CFAP44: variants seen among roughly 807,000 people sequenced by gnomAD.
The protein encoded by CFAP44 is cilia- and flagella-associated protein 44.
CFAP44 carries 134 observed loss-of-function variants against 216.2 expected under a neutral mutation model. The observed-to-expected ratio is 0.62, with a 90% CI of 0.54 to 0.72. The LOEUF (loss-of-function observed/expected upper bound fraction) is 0.72, where lower values mean the gene tolerates loss of function less well. Ranked by LOEUF, CFAP44 falls within the 30% of genes least tolerant of loss-of-function variation. CFAP44 has a pLI of 0.00. For synonymous variants in CFAP44, 700 were observed against 727.6 expected, an observed-to-expected ratio of 0.96 and a Z score of 0.61; for missense variants, 2,035 against 2,182.1, an observed-to-expected ratio of 0.93 and a Z score of 1.34.
intron 18 of CFAP44, among the ~76,000 whole-genome samples, chr3:113,369,916 G>A (rs1933093537): frequency 6.6e-6 from 1 of 152,186 alleles, no homozygotes; most frequent in East Asian, 1.9e-4. Flanking sequence ...TGATCCCACA[G>A]AAATACAAAC....
At chr3:113,393,880 C>G (rs1340332134) in intron 15 of CFAP44, among the ~76,000 whole-genome samples, 1 of 152,100 alleles carries the variant, frequency 6.6e-6, no homozygotes, top group African/African-American at 2.4e-5. Context: ...TCCTTTTCAC[C>G]TTCTGACATG....
chr3:113,366,425 AC>A, intron 18 of CFAP44, 116 bp from the exon 19 acceptor site: 1 of 1,258,366 alleles, frequency 7.9e-7, no homozygotes, highest in Non-Finnish European at 1.1e-6. Context: ...TGAATTGTAC[AC>A]CCCTAAAATT....
At chr3:113,400,455 A>G in intron 12 of CFAP44, 90 bp downstream of exon 12, 1 of 1,172,202 alleles carries the variant, frequency 8.5e-7, no homozygotes, top group South Asian at 2.1e-5. Flanking sequence ...GAAAATCCCC[A>G]AATGCTCTTA....
intron 13 of CFAP44, 93 bp downstream of exon 13, chr3:113,399,813 T>C: frequency 1.3e-6 from 1 of 794,580 alleles, no homozygotes; most frequent in South Asian, 3.5e-5. Flanking sequence ...CCTTAAAATT[T>C]TGAGTCAGCA....
intron 34 of CFAP44, 181 bp downstream of exon 34, chr3:113,294,506 C>T (rs1441817273): frequency 1.2e-5 from 8 of 692,468 alleles, no homozygotes; most frequent in Non-Finnish European, 1.8e-5. Flanking sequence ...AAAGCTAGTC[C>T]CTCAGGCCCA....
chr3:113,301,536 A>C (rs546312920), intron 32 of CFAP44, among the ~76,000 whole-genome samples: 1 of 152,302 alleles, frequency 6.6e-6, no homozygotes, highest in Admixed American at 6.5e-5. Flanking sequence ...AAAGATAATT[A>C]TCTTTATACC....
At chr3:113,408,949 A>C (rs553483076) in intron 7 of CFAP44, among the ~76,000 whole-genome samples, 157 bp downstream of exon 7, 5 of 149,392 alleles carry the variant, frequency 3.3e-5, no homozygotes, top group Non-Finnish European at 7.4e-5. Flanking sequence ...AAGGTGCATT[A>C]CTAGTTAGCT....
intron 24 of CFAP44, among the ~76,000 whole-genome samples, chr3:113,340,494 A>C (rs1950321740): frequency 6.6e-6 from 1 of 152,104 alleles, no homozygotes; most frequent in Non-Finnish European, 1.5e-5. Flanking sequence ...TTTGGCATTC[A>C]CTCACACTCA....
chr3:113,304,899 AG>A (rs1949970515), intron 31 of CFAP44, 136 bp downstream of exon 31: 1 of 665,760 alleles, frequency 1.5e-6, no homozygotes, highest in African/African-American at 1.8e-5. Context: ...AGACAAGTGT[AG>A]GTGTCATTCT....
In CFAP44 at chr3:113,427,211, A is replaced by C; in HGVS notation, c.229T>G (p.Tyr77Asp). ...RLEGSLSSFQ[Y>D]GDLQSTTVPQ... ...CCTGTAGTGCTTTGCAAATCACCAT[A>C]CTGAAATGAACTCAAACTTCCTTCC... The change falls in exon 3 of 35, where the codon TAT becomes GAT. Residue 77 changes from tyrosine (Y) to aspartate (D), a missense_variant. Tyr to Asp is a radical substitution (Grantham distance 160). This residue lies in a region of CFAP44 where 149 missense variants were observed against 141.8 expected (regional missense o/e 1.05). Coordinates refer to ENST00000393845, the MANE Select transcript of CFAP44 (RefSeq NM_001164496.2). The C allele has an allele frequency of 6.2e-7, 1 of 1,613,200 alleles. No individual in the cohort carries two copies.
At chr3:113,395,906 T>C (rs779119233) in intron 14 of CFAP44, 46 bp from the exon 15 acceptor site, 2 of 1,432,896 alleles carry the variant, frequency 1.4e-6, no homozygotes, top group Non-Finnish European at 1.9e-6. Flanking sequence ...TACTATGAAA[T>C]CTAGCCTATA....
At chr3:113,338,280 A>C (rs1268106064) in intron 24 of CFAP44, among the ~76,000 whole-genome samples, 115 of 149,216 alleles carry the variant, frequency 7.7e-4, no homozygotes, top group African/African-American at 2.2e-3. Context: ...AAAAAAAAAA[A>C]AAAAGAACAA....
chr3:113,314,097 A>G (rs1486653009), intron 28 of CFAP44, among the ~76,000 whole-genome samples: 1 of 152,226 alleles, frequency 6.6e-6, no homozygotes, highest in Non-Finnish European at 1.5e-5. Context: ...TCTAATATTT[A>G]TGCCATCAGA....
chr3:113,407,913 T>C (rs1266839080), intron 7 of CFAP44, among the ~76,000 whole-genome samples: 1 of 152,172 alleles, frequency 6.6e-6, no homozygotes, highest in Non-Finnish European at 1.5e-5. Context: ...ACTTCACACA[T>C]GAAATTAACT....
chr3:113,327,914 T>C, intron 26 of CFAP44, 95 bp from the exon 27 acceptor site: 1 of 1,105,080 alleles, frequency 9.0e-7, no homozygotes, highest in Non-Finnish European at 1.3e-6. Flanking sequence ...AGTCATTTTT[T>C]ATTATGCCCT....
At chr3:113,332,852 G>C (rs972033054) in intron 25 of CFAP44, among the ~76,000 whole-genome samples, 1 of 152,098 alleles carries the variant, frequency 6.6e-6, no homozygotes, top group Non-Finnish European at 1.5e-5. Context: ...GGTGGTCCAT[G>C]GCAACGAAAA....
intron 22 of CFAP44, among the ~76,000 whole-genome samples, chr3:113,349,708 G>A (rs1163652704): frequency 3.3e-5 from 5 of 152,160 alleles, no homozygotes; most frequent in South Asian, 2.1e-4. Context: ...GAGGGCTCCC[G>A]GGGCAAGTGC....
At chr3:113,350,935 G>A (rs1376374715) in intron 22 of CFAP44, among the ~76,000 whole-genome samples, 1 of 152,118 alleles carries the variant, frequency 6.6e-6, no homozygotes, top group African/African-American at 2.4e-5. Flanking sequence ...GCCATACAGG[G>A]GTCTGACCAG....
At chr3:113,319,065 G>A (rs564478812) in intron 28 of CFAP44, among the ~76,000 whole-genome samples, 1 of 151,774 alleles carries the variant, frequency 6.6e-6, no homozygotes, top group Non-Finnish European at 1.5e-5. Context: ...CATGATGACA[G>A]GATCAAAAAT....
Sources: gnomAD v4.1 joint callset for allele counts (sites outside exome capture counted in the v4.1 genomes callset) on GRCh38, gnomAD v4.1.1 for gene constraint, gnomAD v4.1.1 regional missense constraint, MANE v1.5 for transcripts, NCBI Gene and HGNC (gene_info 2026-07-23, HGNC 2026-07-21) for gene names.